The following LEMD1 variants were observed in gnomAD, a reference collection of about 807,000 sequenced individuals.
The protein encoded by LEMD1 is LEM domain containing 1, also known as LEM domain-containing protein 1.
A neutral mutation model predicts 17.4 loss-of-function variants in LEMD1; 18 were observed. The ratio of observed to expected loss-of-function variants is 1.04; its 90% CI spans 0.72 to 1.54. LEMD1 has a LOEUF of 1.54. LEMD1 is among the 40% of genes most tolerant of loss of function. The pLI is 0.00. For missense variants in LEMD1, 195 were observed against 210.4 expected, an observed-to-expected ratio of 0.93 and a Z score of 0.45; for synonymous variants, 88 against 77.8, an observed-to-expected ratio of 1.13 and a Z score of -0.69.
intron 4 of LEMD1, among the ~76,000 whole-genome samples, chr1:205,411,709 GA>G (rs1665460955): frequency 6.6e-6 from 1 of 151,948 alleles, no homozygotes; most frequent in African/African-American, 2.4e-5. Flanking sequence ...AAGGAAGAAA[GA>G]AAGAAAGAGA....
At chr1:205,445,998 T>G (rs1157124089) in intron 1 of LEMD1, among the ~76,000 whole-genome samples, 1 of 152,154 alleles carries the variant, frequency 6.6e-6, no homozygotes, top group Non-Finnish European at 1.5e-5. Context: ...GGGCCCACTC[T>G]CGCAAGGGAG....
At chr1:205,410,995 AAAAG>A (rs970392990) in intron 4 of LEMD1, among the ~76,000 whole-genome samples, 25 of 150,836 alleles carry the variant, frequency 1.7e-4, no homozygotes, top group African/African-American at 5.8e-4. Context: ...GGAAGGAAAG[AAAAG>A]AAAAGGAGGG....
In LEMD1 at chr1:205,448,824, C is replaced by G. The variant is rs1415015637; in HGVS notation, c.-39+1044G>C. 6.6e-6 allele frequency among the ~76,000 whole-genome samples: 1 copy of G among 152,242 alleles called. No homozygotes were observed. The highest frequency in any genetic ancestry group is 1.9e-4 in the East Asian group (1 of 5,164). On this transcript the variant is annotated intron_variant, in intron 1 of 3. Coordinates refer to the LEMD1 transcript ENST00000367154. This position sits in a 1 kb window ranked among gnomAD's most constrained non-coding sequence, Gnocchi z 4.7. ...GGCTCCCTCTTTACAAAGCTTAACT[C>G]TTTCTAGTCCAGCCACTGGAAGCAC...
chr1:205,433,285 C>T (rs1426205887), intron 1 of LEMD1, among the ~76,000 whole-genome samples: 3 of 152,044 alleles, frequency 2.0e-5, no homozygotes, highest in African/African-American at 2.4e-5. Context: ...GGTGAAACCC[C>T]GTCTCTACTA....
At chr1:205,395,770 C>T (rs977814724) in intron 4 of LEMD1, among the ~76,000 whole-genome samples, 10 of 151,732 alleles carry the variant, frequency 6.6e-5, no homozygotes, top group Non-Finnish European at 8.8e-5. Flanking sequence ...CAATATATAA[C>T]GAGCTTCTAT....
intron 1 of LEMD1, among the ~76,000 whole-genome samples, chr1:205,445,673 T>C (rs1012390743): frequency 1.3e-5 from 2 of 152,190 alleles, no homozygotes; most frequent in African/African-American, 4.8e-5. Flanking sequence ...AGAGCAGCAA[T>C]AGTCCTGAAA....
intron 1 of LEMD1, among the ~76,000 whole-genome samples, chr1:205,443,755 G>T (rs954796832): frequency 6.6e-6 from 1 of 152,210 alleles, no homozygotes; most frequent in African/African-American, 2.4e-5. Context: ...GGCTGCCTGG[G>T]CTCTGTCTGC....
At chr1:205,425,554 G>A (rs1035461124), upstream of LEMD1, among the ~76,000 whole-genome samples, 8 of 152,198 alleles carry the variant, frequency 5.3e-5, no homozygotes, top group African/African-American at 1.9e-4. Context: ...CAGTTACTGA[G>A]CACCTACTAC....
At chr1:205,424,661 C>T (rs1056891652), upstream of LEMD1, among the ~76,000 whole-genome samples, 2 of 152,170 alleles carry the variant, frequency 1.3e-5, no homozygotes, top group Admixed American at 6.5e-5. Flanking sequence ...GCTGAGACTT[C>T]GAGGATGAGC....
intron 4 of LEMD1, among the ~76,000 whole-genome samples, chr1:205,409,637 G>A (rs1665291691): frequency 6.6e-6 from 1 of 151,350 alleles, no homozygotes; most frequent in African/African-American, 2.4e-5. Context: ...GCCTCACTCT[G>A]TTGCCCAGGC....
At chr1:205,439,145 G>A (rs1666253441) in intron 1 of LEMD1, among the ~76,000 whole-genome samples, 1 of 152,186 alleles carries the variant, frequency 6.6e-6, no homozygotes, top group Non-Finnish European at 1.5e-5. Flanking sequence ...AACTTTTTCT[G>A]CCCATCTCTT....
chr1:205,401,309 A>C (rs980333773), intron 4 of LEMD1, among the ~76,000 whole-genome samples: 1 of 152,314 alleles, frequency 6.6e-6, no homozygotes, highest in Admixed American at 6.5e-5. Flanking sequence ...TTACAGTCCT[A>C]CCAAGAGTGT....
intron 1 of LEMD1, among the ~76,000 whole-genome samples, chr1:205,438,702 G>A (rs572124755): frequency 6.6e-6 from 1 of 152,232 alleles, no homozygotes; most frequent in East Asian, 1.9e-4. Context: ...GGGGCTGCCG[G>A]CTTGGAGGCA....
rs559786798 is a variant in LEMD1, at chr1:205,442,353, C to T, written c.-39+7515G>A. On this transcript the variant is annotated intron_variant, in intron 1 of 3. Coordinates refer to the LEMD1 transcript ENST00000367154. ...ATTGCATAGGATGTCCTGGGTTACC[C>T]CAGCAAGGCACATGTGCAAAGTGGT... 9.8e-4 allele frequency among the ~76,000 whole-genome samples: 150 copies of T among 152,340 alleles called. 1 individual carries two copies. Among genetic ancestry groups the T allele is most frequent in the African/African-American group, 3.5e-3 (146 of 41,580 alleles).
chr1:205,394,770 C>T (rs140566229), intron 4 of LEMD1, among the ~76,000 whole-genome samples: 9,845 of 151,972 alleles, frequency 0.065, 420 homozygotes, highest in East Asian at 0.11. Flanking sequence ...AGGCAGATCA[C>T]GAGGTCAGGA....
chr1:205,391,002 G>A (rs1664303138), intron 4 of LEMD1, among the ~76,000 whole-genome samples: 2 of 144,388 alleles, frequency 1.4e-5, no homozygotes, highest in African/African-American at 5.2e-5. Context: ...CCAATTCTCA[G>A]CACCGCACAA....
At chr1:205,427,509 C>CAGAG (rs1558739470) in intron 1 of LEMD1, among the ~76,000 whole-genome samples, 1 of 97,814 alleles carries the variant, frequency 1.0e-5, no homozygotes, top group Admixed American at 1.1e-4. Flanking sequence ...GAGAGAGAGA[C>CAGAG]AGAGAGAGAG....
upstream of LEMD1, among the ~76,000 whole-genome samples, chr1:205,426,405 T>C (rs1666055604): frequency 6.6e-6 from 1 of 152,116 alleles, no homozygotes; most frequent in South Asian, 2.1e-4. Context: ...AGGTAAGAAG[T>C]GAAAGTTCAT....
upstream of LEMD1, among the ~76,000 whole-genome samples, chr1:205,424,271 G>A (rs138058659): frequency 2.7e-3 from 416 of 152,314 alleles, 1 homozygote; most frequent in African/African-American, 9.4e-3. Context: ...TCTCCACTAT[G>A]CAGGCAAAAG....
Sources: allele counts gnomAD v4.1 joint callset (sites outside exome capture counted in the v4.1 genomes callset), GRCh38; gene constraint gnomAD v4.1.1; non-coding constraint Gnocchi (gnomAD v3.1); transcripts MANE v1.5; gene names NCBI Gene and HGNC (gene_info 2026-07-23, HGNC 2026-07-21).